GASK1B: variants seen among roughly 807,000 people sequenced by gnomAD.
GASK1B encodes the protein Golgi-associated kinase 1B.
A neutral mutation model predicts 42.8 loss-of-function variants in GASK1B; 34 were observed. That is an observed-to-expected ratio of 0.79 (90% CI 0.60 to 1.06). The LOEUF (loss-of-function observed/expected upper bound fraction) is 1.06, where lower values mean the gene tolerates loss of function less well. Ranked by LOEUF, GASK1B falls within the 50% of genes least tolerant of loss-of-function variation. The pLI, the probability that GASK1B is intolerant of heterozygous loss-of-function variation, is 0.00. For missense variants in GASK1B, 686 were observed against 661.0 expected (o/e 1.04, Z -0.42); for synonymous variants, 262 against 259.1 (o/e 1.01, Z -0.11).
rs566305935 is a variant in GASK1B, at chr4:158,171,636, A to G, written c.-224-37T>C. ...TGGATACAGAGTTAACTGAGTCACAATTTCAAACCATTTAAGTTCCTCTAC... is the reference window on the plus strand; with the variant it reads ...TGGATACAGAGTTAACTGAGTCACAGTTTCAAACCATTTAAGTTCCTCTAC... On this transcript the variant is annotated intron_variant, in intron 1 of 4. Transcript: ENST00000585682. 317 of 357,906 alleles carry G rather than the reference A, an allele frequency of 8.9e-4. 3 individuals carry two copies. The highest frequency in any genetic ancestry group is 3.4e-4 in the Non-Finnish European group (69 of 200,620). The allele number at this position is 357,906 out of a possible 1,614,324, so 22.2% of individuals were successfully genotyped here. A position where few individuals can be genotyped will look rare whatever the true frequency, so the allele number is the denominator to read the frequency against.
intron 3 of GASK1B, among the ~76,000 whole-genome samples, chr4:158,153,747 A>T (rs1292738959): frequency 6.6e-6 from 1 of 152,128 alleles, no homozygotes; most frequent in African/African-American, 2.4e-5. Context: ...CAAAAACATA[A>T]AGTGGGTAAA....
Position 158,124,662 on chromosome 4 carries a change from A to G in GASK1B, c.*2745T>C, listed in dbSNP as rs903000051. The G allele has an allele frequency of 2.0e-5, 3 of 152,162 alleles. No individual in the cohort carries two copies. The highest frequency in any genetic ancestry group is 7.2e-5 in the African/African-American group (3 of 41,458). The allele number at this position is 152,162 out of a possible 1,614,324, so 9.4% of individuals were successfully genotyped here. ...AATGGCACAGTAGAATAAACAGGCT[A>G]TGATTACAAGTCCAAAGATTACAAA... On this transcript the variant is annotated 3_prime_UTR_variant, in exon 5 of 5. Coordinates refer to ENST00000585682, the MANE Select transcript of GASK1B (RefSeq NM_001128424.2).
chr4:158,136,067 T>C (rs1167034143), intron 3 of GASK1B, among the ~76,000 whole-genome samples: 1 of 152,174 alleles, frequency 6.6e-6, no homozygotes, highest in Non-Finnish European at 1.5e-5. Flanking sequence ...CAAATTATTA[T>C]CAAAGTTTCT....
In GASK1B at chr4:158,125,405, TG is replaced by T. The variant is rs1450811676; in HGVS notation, c.*2001del. The T allele has an allele frequency of 6.0e-5, 6 of 100,716 alleles. No homozygotes were observed. Among genetic ancestry groups the T allele is most frequent in the Non-Finnish European group, 1.4e-4 (6 of 44,154 alleles). 6.2% of individuals were successfully genotyped at this position (100,716 alleles called of 1,614,324 possible). A position where few individuals can be genotyped will look rare whatever the true frequency, so the allele number is the denominator to read the frequency against. The stretch of plus-strand genomic sequence containing the variant: ...TCAATATGATAAATTTGGATAAAGA[TG>T]GTAAAAAAAAAAAAATGTTTTAAGC... On this transcript the variant is annotated 3_prime_UTR_variant, in exon 5 of 5. Coordinates refer to ENST00000585682, the MANE Select transcript of GASK1B (RefSeq NM_001128424.2).
At chr4:158,142,915 T>G (rs2110959942) in intron 3 of GASK1B, among the ~76,000 whole-genome samples, 1 of 152,270 alleles carries the variant, frequency 6.6e-6, no homozygotes, top group South Asian at 2.1e-4. Flanking sequence ...AGAGAGAAGA[T>G]ATAGAGATGA....
intron 1 of GASK1B, 75 bp from the exon 2 acceptor site, chr4:158,171,674 A>C: frequency 3.6e-6 from 1 of 280,548 alleles, no homozygotes; most frequent in Non-Finnish European, 6.6e-6. Context: ...GAGTCAAGAA[A>C]AAAAGTAATC....
intron 2 of GASK1B, chr4:158,169,516 T>C (rs1165471484): frequency 6.6e-6 from 1 of 152,264 alleles, no homozygotes. Flanking sequence ...GGAACCTCAC[T>C]GAAATGCTAA....
chr4:158,162,204 G>T (rs1381787679), intron 2 of GASK1B, among the ~76,000 whole-genome samples: 1 of 152,054 alleles, frequency 6.6e-6, no homozygotes, highest in Non-Finnish European at 1.5e-5. Flanking sequence ...CACATTCTAG[G>T]TTAAATTCTC....
At chr4:158,141,920 CTTTTTTTTTTTTTTTTTTTT>C (rs36207959) in intron 3 of GASK1B, among the ~76,000 whole-genome samples, 2 of 47,616 alleles carry the variant, frequency 4.2e-5, no homozygotes, top group Admixed American at 2.7e-4. Flanking sequence ...GTTGTGGTTT[CTTTTTTTTTTTTTTTTTTTT>C]TTTTTTTTTT....
chr4:158,159,662 T>C (rs972991337), intron 2 of GASK1B: 1 of 242,126 alleles, frequency 4.1e-6, no homozygotes, highest in East Asian at 1.1e-4. Flanking sequence ...TTAAAAGATA[T>C]GTGGGTGTTC....
chr4:158,171,480 T>A lies in GASK1B; in HGVS notation c.-105A>T, dbSNP rs1332335524. ...TTCAGCTGCCGCGTCCGCTTCGGGA[T>A]ATAAGTGGTCTCCAGTGGGCAGAGG... On this transcript the variant is annotated 5_prime_UTR_variant, in exon 2 of 5. Transcript: ENST00000585682. 7.6e-6 allele frequency: 10 copies of A among 1,323,470 alleles called. No homozygotes were observed. Among genetic ancestry groups the A allele is most frequent in the Non-Finnish European group, 9.1e-6 (9 of 990,088 alleles). The allele number at this position is 1,323,470 out of a possible 1,614,324, so 82.0% of individuals were successfully genotyped here.
At chr4:158,162,414 G>C (rs1330766537) in intron 2 of GASK1B, among the ~76,000 whole-genome samples, 1 of 152,160 alleles carries the variant, frequency 6.6e-6, no homozygotes, top group Non-Finnish European at 1.5e-5. Flanking sequence ...AATTCTGAGT[G>C]CATTTTTTCA....
rs754664667 is a variant in GASK1B at position 158,155,608 on chromosome 4, T to C, written c.1125+3A>G. On this transcript the variant is annotated splice_donor_region_variant and intron_variant, in intron 3 of 4. Coordinates refer to ENST00000585682, the MANE Select transcript of GASK1B (RefSeq NM_001128424.2). ...AACTATTTGCTTGATTTGATAAACTTACCTGTAACAAAAAATCAAAGAGTG... is the reference window on the plus strand; with the variant it reads ...AACTATTTGCTTGATTTGATAAACTCACCTGTAACAAAAAATCAAAGAGTG... The C allele has an allele frequency of 1.2e-6, 2 of 1,612,194 alleles. No individual in the cohort carries two copies. The highest frequency in any genetic ancestry group is 1.7e-6 in the Non-Finnish European group (2 of 1,178,468).
intron 3 of GASK1B, among the ~76,000 whole-genome samples, chr4:158,153,241 C>T (rs1370674136): frequency 6.6e-6 from 1 of 152,166 alleles, no homozygotes; most frequent in African/African-American, 2.4e-5. Flanking sequence ...AACTTAACCC[C>T]TTTTACAATA....
chr4:158,127,835 A>G (rs1272624057), intron 4 of GASK1B, among the ~76,000 whole-genome samples: 6 of 152,182 alleles, frequency 3.9e-5, no homozygotes, highest in Admixed American at 3.3e-4. Context: ...CATTCAGAAC[A>G]TGACAGACTT....
At position 158,171,302 on chromosome 4, in the gene GASK1B, T is replaced by C. The variant is rs1005818299; in HGVS notation, c.74A>G (p.Lys25Arg). 1 of 1,613,186 alleles carries C rather than the reference T, an allele frequency of 6.2e-7. No homozygotes were observed. The highest frequency in any genetic ancestry group is 8.5e-7 in the Non-Finnish European group (1 of 1,179,590). ...ICSLCVPRVR[K>R]LWSSRRPRTR... Reference sequence around the variant, plus strand: ...CCTTGGACGCCGGCTGCTCCAGAGCTTACGCACCCGCGGGACGCACAGGGA... The same window carrying C: ...CCTTGGACGCCGGCTGCTCCAGAGCCTACGCACCCGCGGGACGCACAGGGA... The change falls in exon 2 of 5, where the codon AAG becomes AGG. Residue 25 changes from lysine to arginine, a missense_variant. Coordinates refer to ENST00000585682, the MANE Select transcript of GASK1B (RefSeq NM_001128424.2).
chr4:158,155,779 T>A lies in GASK1B; in HGVS notation c.957A>T (p.Ser319=). 2 of 1,613,872 alleles carry A rather than the reference T, an allele frequency of 1.2e-6. No homozygotes were observed. The highest frequency in any genetic ancestry group is 1.7e-6 in the Non-Finnish European group (2 of 1,179,796). The part of the protein sequence containing the change: ...PIILWDASLS[S]ASNDTHSSVK... ...CAGAAGAATGGGTGTCATTACTTGC[T>A]GAAGATAAAGATGCATCCCAAAGAA... The change falls in exon 3 of 5, where the codon TCA becomes TCT. Residue 319 remains serine (S), a synonymous_variant. Coordinates refer to ENST00000585682, the MANE Select transcript of GASK1B (RefSeq NM_001128424.2).
Position 158,155,657 on chromosome 4 carries a change from T to C in GASK1B, c.1079A>G (p.His360Arg). The C allele has an allele frequency of 1.2e-6, 2 of 1,613,874 alleles. No homozygotes were observed. The highest frequency in any genetic ancestry group is 1.7e-6 in the Non-Finnish European group (2 of 1,179,784). ...TGCCATCTTGGACCACTCATGATGA[T>C]GTATTTCAGTACAACCCGATTCAGG... ...PKPESGCTEI[H>R]HHEWSKMALF... The change falls in exon 3 of 5, where the codon CAT becomes CGT. Residue 360 changes from histidine to arginine, a missense_variant. Coordinates refer to ENST00000585682, the MANE Select transcript of GASK1B (RefSeq NM_001128424.2).
Position 158,126,344 on chromosome 4 carries a change from G to A in GASK1B, c.*1063C>T, listed in dbSNP as rs186352167. On this transcript the variant is annotated 3_prime_UTR_variant, in exon 5 of 5. Coordinates refer to ENST00000585682, the MANE Select transcript of GASK1B (RefSeq NM_001128424.2). ...GTCCAAATTTACTGTTTTAGTTCTA[G>A]TCATGAGGAAAATTGATCAGACGCA... 1.3e-5 allele frequency: 2 copies of A among 152,152 alleles called. No individual in the cohort carries two copies. Among genetic ancestry groups the A allele is most frequent in the African/African-American group, 4.8e-5 (2 of 41,550 alleles). 9.4% of individuals were successfully genotyped at this position (152,152 alleles called of 1,614,324 possible).
Sources: gnomAD v4.1 joint callset for allele counts (sites outside exome capture counted in the v4.1 genomes callset) on GRCh38, gnomAD v4.1.1 for gene constraint, MANE v1.5 for transcripts, NCBI Gene and HGNC (gene_info 2026-07-23, HGNC 2026-07-21) for gene names.